TIAM1: variants seen among roughly 807,000 people sequenced by gnomAD.
TIAM1 encodes TIAM Rac1 associated GEF 1.
TIAM1 carries 65 observed loss-of-function variants against 163.5 expected under a neutral mutation model. The ratio of observed to expected loss-of-function variants is 0.40; its 90% CI spans 0.33 to 0.49. The LOEUF (loss-of-function observed/expected upper bound fraction) is 0.49, where lower values mean the gene tolerates loss of function less well. Among genes scored for constraint, TIAM1 ranks in the 20% least tolerant of loss-of-function variants. The pLI is 0.77. For synonymous variants in TIAM1, 833 were observed against 810.1 expected (o/e 1.03, Z -0.48); for missense variants, 1,789 against 2,044.7 (o/e 0.87, Z 2.41).
intron 2 of TIAM1, among the ~76,000 whole-genome samples, chr21:31,351,786 G>A (rs916570208): frequency 2.6e-5 from 4 of 151,350 alleles, no homozygotes; most frequent in Admixed American, 6.6e-5. Flanking sequence ...GTTCATCTCT[G>A]GCAGGGCGTG....
At chr21:31,158,859 G>C (rs180834408) in intron 16 of TIAM1, among the ~76,000 whole-genome samples, 3 of 152,222 alleles carry the variant, frequency 2.0e-5, no homozygotes, top group African/African-American at 7.2e-5. Flanking sequence ...CCATGATGTG[G>C]AATATAGGAG....
At chr21:31,307,262 T>C (rs910124653) in intron 2 of TIAM1, among the ~76,000 whole-genome samples, 3 of 152,248 alleles carry the variant, frequency 2.0e-5, no homozygotes, top group Non-Finnish European at 4.4e-5. Flanking sequence ...TAATGTGCTC[T>C]TCTTGTCCTC....
chr21:31,403,597 T>C (rs1464753817), intron 2 of TIAM1, among the ~76,000 whole-genome samples: 1 of 152,222 alleles, frequency 6.6e-6, no homozygotes, highest in Admixed American at 6.5e-5. Flanking sequence ...TGACTCATGA[T>C]AGCTCAAAAT....
At chr21:31,230,682 A>G (rs1420630810) in intron 6 of TIAM1, among the ~76,000 whole-genome samples, 2 of 151,948 alleles carry the variant, frequency 1.3e-5, no homozygotes, top group East Asian at 3.9e-4. Context: ...GCTACTAGGG[A>G]GCCACACACC....
chr21:31,147,246 C>G (rs1306370094), intron 19 of TIAM1, among the ~76,000 whole-genome samples: 5 of 151,938 alleles, frequency 3.3e-5, no homozygotes, highest in African/African-American at 1.2e-4. Context: ...GGTAGATGTC[C>G]CTGGTTTTCC....
intron 1 of TIAM1, among the ~76,000 whole-genome samples, chr21:31,470,784 C>T (rs527762432): frequency 1.3e-5 from 2 of 152,264 alleles, no homozygotes; most frequent in Non-Finnish European, 2.9e-5. Context: ...CATGTAGAAA[C>T]AGCCACTGTC....
At chr21:31,429,759 A>G (rs7281404) in intron 2 of TIAM1, among the ~76,000 whole-genome samples, 5,968 of 152,120 alleles carry the variant, frequency 0.039, 381 homozygotes, top group African/African-American at 0.13. Context: ...TCTTCTGTGC[A>G]CCGCTCCCAG....
intron 2 of TIAM1, among the ~76,000 whole-genome samples, chr21:31,354,309 T>C (rs935750409): frequency 8.5e-5 from 13 of 152,192 alleles, no homozygotes; most frequent in Admixed American, 2.6e-4. Context: ...ATGAAGCTCC[T>C]GGAAGTTAAT....
At position 31,375,052 on chromosome 21, in the gene TIAM1, C is replaced by T. The variant is rs182075186; in HGVS notation, c.-368-35630G>A. Among the ~76,000 whole-genome samples, 26 of 152,224 alleles carry T rather than the reference C, an allele frequency of 1.7e-4. 1 individual carries two copies. In the East Asian group the frequency reaches 5.0e-3, roughly 29 times the overall value. On this transcript the variant is annotated intron_variant, in intron 2 of 28. Coordinates refer to the TIAM1 transcript ENST00000286827. ...CAGTGACTCAGATTCTTTAGTTTTTCACCTTGTACTAGAATTCTCTGTATG... is the reference window on the plus strand; with the variant it reads ...CAGTGACTCAGATTCTTTAGTTTTTTACCTTGTACTAGAATTCTCTGTATG...
At chr21:31,137,094 T>C (rs1469795938) in intron 22 of TIAM1, among the ~76,000 whole-genome samples, 1 of 152,232 alleles carries the variant, frequency 6.6e-6, no homozygotes, top group African/African-American at 2.4e-5. Flanking sequence ...TCAACGTCTA[T>C]GCCTCACAAC....
intron 5 of TIAM1, among the ~76,000 whole-genome samples, chr21:31,250,616 A>T (rs1416215900): frequency 6.6e-5 from 10 of 152,220 alleles, no homozygotes; most frequent in African/African-American, 2.4e-4. Context: ...TTTGATACTG[A>T]TAAGCCCAGG....
intron 1 of TIAM1, among the ~76,000 whole-genome samples, chr21:31,467,111 A>G (rs928986030): frequency 6.6e-5 from 10 of 152,230 alleles, no homozygotes; most frequent in Admixed American, 1.3e-4. Flanking sequence ...AATCCAAAGG[A>G]GAGCATTTAA....
chr21:31,191,715 C>A (rs917777368), intron 13 of TIAM1, among the ~76,000 whole-genome samples: 1 of 152,154 alleles, frequency 6.6e-6, no homozygotes, highest in African/African-American at 2.4e-5. Flanking sequence ...AAGACTGACG[C>A]CTGGTGCCCT....
chr21:31,490,712 G>A (rs2046437072), intron 1 of TIAM1, among the ~76,000 whole-genome samples: 1 of 152,232 alleles, frequency 6.6e-6, no homozygotes, highest in East Asian at 1.9e-4. Flanking sequence ...GTTCCAGGAA[G>A]GATTCTTTGC....
chr21:31,155,023 C>G (rs2083553761), intron 16 of TIAM1, among the ~76,000 whole-genome samples: 1 of 152,280 alleles, frequency 6.6e-6, no homozygotes, highest in South Asian at 2.1e-4. Flanking sequence ...AAGTTTCTCC[C>G]TCTCCAGCTT....
chr21:31,359,804 AAAAG>A (rs2076375042), intron 2 of TIAM1, among the ~76,000 whole-genome samples: 1 of 111,188 alleles, frequency 9.0e-6, no homozygotes, highest in Non-Finnish European at 1.9e-5. Flanking sequence ...AAAAGAAAGA[AAAAG>A]GAAGGAAGGA....
chr21:31,145,861 AT>A (rs1174516402), intron 20 of TIAM1, among the ~76,000 whole-genome samples: 1 of 152,072 alleles, frequency 6.6e-6, no homozygotes, highest in Non-Finnish European at 1.5e-5. Context: ...AATGAAACCA[AT>A]TTTTTTCCTC....
intron 2 of TIAM1, among the ~76,000 whole-genome samples, chr21:31,432,275 AT>A (rs2044066796): frequency 6.6e-6 from 1 of 151,680 alleles, no homozygotes; most frequent in South Asian, 2.1e-4. Flanking sequence ...TAATTTTTGT[AT>A]TTTTAGTGGA....
At chr21:31,453,401 A>G (rs930569038) in intron 2 of TIAM1, among the ~76,000 whole-genome samples, 1 of 152,158 alleles carries the variant, frequency 6.6e-6, no homozygotes, top group African/African-American at 2.4e-5. Context: ...TCCAGCTGAC[A>G]GCCATTAAGA....
Sources: gnomAD v4.1 joint callset for allele counts (sites outside exome capture counted in the v4.1 genomes callset) on GRCh38, gnomAD v4.1.1 for gene constraint, MANE v1.5 for transcripts, NCBI Gene and HGNC (gene_info 2026-07-23, HGNC 2026-07-21) for gene names.